ANGPT1: variants seen among roughly 807,000 people sequenced by gnomAD.
The protein encoded by ANGPT1 is angiopoietin-1.
A neutral mutation model predicts 62.2 loss-of-function variants in ANGPT1; 17 were observed. The observed-to-expected ratio is 0.27, with a 90% CI of 0.19 to 0.41. The LOEUF is 0.41. Among genes scored for constraint, ANGPT1 ranks in the 10% least tolerant of loss-of-function variants. ANGPT1 has a pLI of 1.00. For missense variants in ANGPT1, 478 were observed against 594.9 expected, an observed-to-expected ratio of 0.80 and a Z score of 2.04; for synonymous variants, 199 against 198.9, an observed-to-expected ratio of 1.00 and a Z score of 0.00.
intron 1 of ANGPT1, among the ~76,000 whole-genome samples, chr8:107,422,325 G>C (rs1810914830): frequency 6.6e-6 from 1 of 152,112 alleles, no homozygotes. Flanking sequence ...CAGAGAGTCT[G>C]AGCATGTGCC....
At chr8:107,394,512 G>A (rs1816897065) in intron 1 of ANGPT1, among the ~76,000 whole-genome samples, 1 of 152,154 alleles carries the variant, frequency 6.6e-6, no homozygotes, top group Admixed American at 6.5e-5. Context: ...AGAGGAGTTA[G>A]TTTTCAGAGT....
chr8:107,291,891 T>TGG (rs371184678), intron 6 of ANGPT1, among the ~76,000 whole-genome samples: 2 of 87,116 alleles, frequency 2.3e-5, no homozygotes, highest in African/African-American at 9.1e-5. Flanking sequence ...CCACTGAAGA[T>TGG]GGGGGGGGGG....
intron 1 of ANGPT1, among the ~76,000 whole-genome samples, chr8:107,351,880 A>C (rs1263914769): frequency 6.6e-6 from 1 of 152,180 alleles, no homozygotes; most frequent in Non-Finnish European, 1.5e-5. Context: ...CAAAGCCTCT[A>C]CAAAGGCTAG....
intron 7 of ANGPT1, among the ~76,000 whole-genome samples, chr8:107,282,592 ATATG>A (rs1330777897): frequency 1.6e-4 from 20 of 124,080 alleles, no homozygotes; most frequent in African/African-American, 4.9e-4. Flanking sequence ...ATATATATAT[ATATG>A]AGCCTCAGCT....
chr8:107,257,887 G>GTTT lies in ANGPT1; in HGVS notation c.1337-5875_1337-5873dup, dbSNP rs774474320. Among the ~76,000 whole-genome samples, 17 of 110,966 alleles carry GTTT rather than the reference G, an allele frequency of 1.5e-4. 1 individual carries two copies. The highest frequency in any genetic ancestry group is 4.0e-4 in the African/African-American group (12 of 30,244). The allele number at this position is 110,966 out of a possible 152,430, so 72.8% of individuals were successfully genotyped here. ...AAGGACTTGTTTTTGTTTCTTTTTT[G>GTTT]TTTGTTTGTTTGTTTGTTTGTTTTT... On this transcript the variant is annotated intron_variant, in intron 8 of 8. Transcript: ENST00000517746.
chr8:107,301,027 G>A (rs1814574617), intron 5 of ANGPT1, among the ~76,000 whole-genome samples: 1 of 151,816 alleles, frequency 6.6e-6, no homozygotes, highest in South Asian at 2.1e-4. Context: ...TGCACCATTT[G>A]CATCTCATAA....
chr8:107,279,774 G>A (rs983114012), intron 7 of ANGPT1, among the ~76,000 whole-genome samples: 2 of 145,720 alleles, frequency 1.4e-5, no homozygotes, highest in South Asian at 2.1e-4. Flanking sequence ...CAAAGGAAGG[G>A]GGGGGGAGAG....
rs1400681492 is a variant in ANGPT1, at chr8:107,497,432, A to G, written c.127T>C (p.Tyr43His). Residue 43 changes from tyrosine (Y) to histidine (H), a missense_variant, in exon 1 of 9, where the codon TAC becomes CAC. By Grantham distance (83) the Tyr-to-His change is moderately conservative. Coordinates refer to ENST00000517746, the MANE Select transcript of ANGPT1 (RefSeq NM_001146.5). ...YNRIQHGQCA[Y>H]TFILPEHDGN... ...TCGTGTTCTGGAAGAATGAAAGTGTAGGCACATTGCCCATGTTGAATCCGG... is the reference window on the plus strand; with the variant it reads ...TCGTGTTCTGGAAGAATGAAAGTGTGGGCACATTGCCCATGTTGAATCCGG... 1.9e-6 allele frequency: 3 copies of G among 1,614,090 alleles called. No homozygotes were observed. Among genetic ancestry groups the G allele is most frequent in the African/African-American group, 1.3e-5 (1 of 74,934 alleles).
chr8:107,327,715 T>G (rs1393938724), intron 3 of ANGPT1, among the ~76,000 whole-genome samples: 1 of 152,106 alleles, frequency 6.6e-6, no homozygotes, highest in East Asian at 1.9e-4. Context: ...TCTTAGGACT[T>G]CCTGTTTCCC....
intron 1 of ANGPT1, among the ~76,000 whole-genome samples, chr8:107,467,777 A>C (rs1384466630): frequency 1.3e-5 from 2 of 152,144 alleles, no homozygotes; most frequent in African/African-American, 4.8e-5. Context: ...AATGTTAAGG[A>C]GGTAAAATAG....
chr8:107,374,880 G>A (rs1402328216), intron 1 of ANGPT1, among the ~76,000 whole-genome samples: 1 of 152,152 alleles, frequency 6.6e-6, no homozygotes, highest in African/African-American at 2.4e-5. Context: ...GCTTAAATCT[G>A]GCCAGGCGCG....
At chr8:107,483,266 T>C (rs1006364849) in intron 1 of ANGPT1, among the ~76,000 whole-genome samples, 1 of 152,152 alleles carries the variant, frequency 6.6e-6, no homozygotes, top group Non-Finnish European at 1.5e-5. Context: ...ATATGAAACA[T>C]AACAGTCATA....
rs571827828 is a variant in ANGPT1 at position 107,338,630 on chromosome 8, C to A, written c.454-2359G>T. Among the ~76,000 whole-genome samples, 62 of 152,262 alleles carry A rather than the reference C, an allele frequency of 4.1e-4. 1 individual carries two copies. The South Asian group carries it at 6.6e-3, about 16-fold the overall frequency. On this transcript the variant is annotated intron_variant, in intron 2 of 8. Coordinates refer to ENST00000517746, the MANE Select transcript of ANGPT1 (RefSeq NM_001146.5). ...TAAAGGGTTTCAGCGTTTTAAAAAA[C>A]ATTTTTTCTATTCTGTATTATTTCA...
In ANGPT1 at chr8:107,251,812, G is replaced by A. The variant is rs181729444; in HGVS notation, c.*43C>T. On this transcript the variant is annotated 3_prime_UTR_variant, in exon 9 of 9. Transcript: ENST00000517746. The stretch of plus-strand genomic sequence containing the variant: ...CAGTTTCTCACCTGGCAGCTTCTCC[G>A]GATTTCTTTGTTGCTTTCATAATCG... 1.9e-5 allele frequency: 30 copies of A among 1,607,184 alleles called. No individual in the cohort carries two copies. The highest frequency in any genetic ancestry group is 1.3e-4 in the Admixed American group (8 of 59,410).
intron 7 of ANGPT1, among the ~76,000 whole-genome samples, chr8:107,278,189 C>T (rs188527679): frequency 0.011 from 1,730 of 152,020 alleles, 24 homozygotes; most frequent in Non-Finnish European, 0.013. Context: ...AATCCTTCTG[C>T]CTCAGCCTCC....
At chr8:107,291,404 T>C (rs995602510) in intron 6 of ANGPT1, among the ~76,000 whole-genome samples, 4 of 137,696 alleles carry the variant, frequency 2.9e-5, no homozygotes, top group South Asian at 2.4e-4. Context: ...GTGAAGACTA[T>C]AATTGTGTTT....
chr8:107,378,797 T>A (rs1816579009), intron 1 of ANGPT1, among the ~76,000 whole-genome samples: 1 of 152,120 alleles, frequency 6.6e-6, no homozygotes, highest in Non-Finnish European at 1.5e-5. Context: ...CCACCATGAT[T>A]GTAAGTTTCC....
Position 107,322,525 on chromosome 8 carries a change from AACT to A in ANGPT1, c.576-400_576-398del, listed in dbSNP as rs573593060. On this transcript the variant is annotated intron_variant, in intron 3 of 8. Coordinates refer to ENST00000517746, the MANE Select transcript of ANGPT1 (RefSeq NM_001146.5). ...AGGAAAAAAACAAACAACACGTAGA[AACT>A]ACTTTTTATTCACTTTGCTTCATTT... is the stretch of plus-strand genomic sequence containing the variant. Among the ~76,000 whole-genome samples, 15 of 152,308 alleles carry A rather than the reference AACT, an allele frequency of 9.8e-5. No homozygotes were observed. The East Asian group carries it at 2.9e-3, about 29-fold the overall frequency.
chr8:107,431,615 T>A (rs1811189345), intron 1 of ANGPT1, among the ~76,000 whole-genome samples: 1 of 152,198 alleles, frequency 6.6e-6, no homozygotes, highest in South Asian at 2.1e-4. Context: ...CTCTGTGACG[T>A]CTTTCCTGCC....
Sources: allele counts gnomAD v4.1 joint callset (sites outside exome capture counted in the v4.1 genomes callset), GRCh38; gene constraint gnomAD v4.1.1; transcripts MANE v1.5; gene names NCBI Gene and HGNC (gene_info 2026-07-23, HGNC 2026-07-21).